The following AFG2A variants were observed in gnomAD, a reference collection of about 807,000 sequenced individuals.
AFG2A encodes ATPase family gene 2 protein homolog A.
the AFG2A span, among the ~76,000 whole-genome samples, chr4:122,982,901 T>C: frequency 8.0e-6 from 1 of 124,574 alleles, no homozygotes; most frequent in Admixed American, 1.0e-4. Flanking sequence ...GGAGTCTCGC[T>C]CTGTTACCCA....
chr4:123,026,048 A>T, the AFG2A span, among the ~76,000 whole-genome samples: 2 of 152,056 alleles, frequency 1.3e-5, no homozygotes, highest in African/African-American at 4.8e-5. Context: ...CAACTTTAAA[A>T]TTAAGGATTC....
chr4:123,240,001 A>G, the AFG2A span, among the ~76,000 whole-genome samples: 1 of 152,204 alleles, frequency 6.6e-6, no homozygotes, highest in Non-Finnish European at 1.5e-5. Flanking sequence ...AGCAAAAGGA[A>G]AGCAAGAAAA....
chr4:123,008,911 G>A, the AFG2A span, among the ~76,000 whole-genome samples: 1 of 152,068 alleles, frequency 6.6e-6, no homozygotes. Flanking sequence ...GTGGGGGGAG[G>A]TGTGAGTTCT....
the AFG2A span, among the ~76,000 whole-genome samples, chr4:122,972,534 G>A: frequency 1.4e-5 from 2 of 146,774 alleles, no homozygotes; most frequent in Non-Finnish European, 3.0e-5. Context: ...CTCACTGACT[G>A]TCAGTCTTTT....
chr4:123,142,203 A>G, the AFG2A span, among the ~76,000 whole-genome samples: 2 of 152,196 alleles, frequency 1.3e-5, no homozygotes, highest in Non-Finnish European at 2.9e-5. Flanking sequence ...AACATGACCT[A>G]GAACAATACC....
the AFG2A span, among the ~76,000 whole-genome samples, chr4:123,265,173 T>C: frequency 1.3e-5 from 2 of 152,092 alleles, no homozygotes; most frequent in African/African-American, 4.8e-5. Flanking sequence ...GTTGAAGGCC[T>C]AGTGATTTTT....
chr4:123,066,338 A>G, the AFG2A span, among the ~76,000 whole-genome samples: 3 of 152,270 alleles, frequency 2.0e-5, no homozygotes, highest in African/African-American at 7.2e-5. Flanking sequence ...ACTTTTCAAG[A>G]AGGGTTATAA....
the AFG2A span, among the ~76,000 whole-genome samples, chr4:123,016,282 G>T: frequency 6.6e-6 from 1 of 150,968 alleles, no homozygotes; most frequent in Non-Finnish European, 1.5e-5. Flanking sequence ...CCTCCCTCCC[G>T]GATGGGGTGG....
chr4:123,243,322 C>T, the AFG2A span, among the ~76,000 whole-genome samples: 3 of 152,058 alleles, frequency 2.0e-5, no homozygotes, highest in African/African-American at 7.3e-5. Flanking sequence ...GCACTATTCA[C>T]GATAGTAAAG....
At chr4:123,153,590 T>A in the AFG2A span, among the ~76,000 whole-genome samples, 1 of 151,328 alleles carries the variant, frequency 6.6e-6, no homozygotes, top group Non-Finnish European at 1.5e-5. Context: ...GTTGTTATTA[T>A]TACTGTAAAA....
chr4:123,281,829 T>C, the AFG2A span, among the ~76,000 whole-genome samples: 21 of 152,238 alleles, frequency 1.4e-4, no homozygotes, highest in Admixed American at 5.9e-4. Flanking sequence ...TAAATGGAAG[T>C]AGCCAATCCA....
the AFG2A span, among the ~76,000 whole-genome samples, chr4:122,953,816 G>A: frequency 1.3e-5 from 2 of 152,336 alleles, no homozygotes; most frequent in Admixed American, 6.5e-5. Context: ...CCAGCAGCAC[G>A]TACCCTTTGC....
At chr4:123,123,868 C>T in the AFG2A span, among the ~76,000 whole-genome samples, 3 of 140,416 alleles carry the variant, frequency 2.1e-5, no homozygotes, top group East Asian at 2.3e-4. Flanking sequence ...AGGAGAATGG[C>T]GTGAACCCGG....
the AFG2A span, among the ~76,000 whole-genome samples, chr4:123,249,915 G>A: frequency 4.6e-5 from 7 of 152,090 alleles, no homozygotes; most frequent in South Asian, 2.1e-4. Flanking sequence ...ATTCAGAGCC[G>A]TTACCAAAGA....
chr4:122,959,810 T>C, the AFG2A span, among the ~76,000 whole-genome samples: 1 of 152,214 alleles, frequency 6.6e-6, no homozygotes, highest in Non-Finnish European at 1.5e-5. Flanking sequence ...GTGTGCTTAC[T>C]CTCAACATCT....
chr4:123,035,213 G>C, the AFG2A span, among the ~76,000 whole-genome samples: 1 of 152,050 alleles, frequency 6.6e-6, no homozygotes, highest in Non-Finnish European at 1.5e-5. Context: ...TTCACCTTGG[G>C]TGCAGCTTCC....
the AFG2A span, among the ~76,000 whole-genome samples, chr4:123,222,561 C>G: frequency 6.6e-6 from 1 of 152,012 alleles, no homozygotes; most frequent in Admixed American, 6.6e-5. Context: ...TGAGGTCTAC[C>G]TTTAAAAATT....
At chr4:123,104,353 C>T in the AFG2A span, among the ~76,000 whole-genome samples, 1 of 152,074 alleles carries the variant, frequency 6.6e-6, no homozygotes, top group African/African-American at 2.4e-5. Flanking sequence ...CTGGTTGCTC[C>T]AACAGCCAGC....
the AFG2A span, among the ~76,000 whole-genome samples, chr4:123,177,200 T>A: frequency 6.6e-6 from 1 of 150,758 alleles, no homozygotes; most frequent in African/African-American, 2.4e-5. Context: ...TGATTTTTTT[T>A]TTTTTTTTTT....
Sources: gnomAD v4.1 joint callset for allele counts (sites outside exome capture counted in the v4.1 genomes callset) on GRCh38, gnomAD v4.1.1 for gene constraint, MANE v1.5 for transcripts, NCBI Gene and HGNC (gene_info 2026-07-23, HGNC 2026-07-21) for gene names.